The following MMP26 variants were observed in gnomAD, a reference collection of about 807,000 sequenced individuals.
MMP26 encodes the protein matrix metalloproteinase-26.
In MMP26, 33 loss-of-function variants were observed where a neutral mutation model predicts 31.0. The observed-to-expected ratio is 1.06, with a 90% CI of 0.81 to 1.42. The LOEUF is 1.42. MMP26 is among the 40% of genes most tolerant of loss of function. MMP26 has a pLI of 0.00. For missense variants in MMP26, 347 were observed against 316.1 expected (o/e 1.10, Z -0.74); for synonymous variants, 122 against 114.9 (o/e 1.06, Z -0.40).
chr11:4,979,716 C>G lies in MMP26; in HGVS notation c.-144-8352C>G, dbSNP rs1234531760. Among the ~76,000 whole-genome samples the G allele has an allele frequency of 2.0e-5, 3 of 152,176 alleles. No homozygotes were observed. The East Asian group carries it at 5.8e-4, about 29-fold the overall frequency. ...TGGTCTCTGCAGACTCCAGCTATACCTTGGAAAATGACTGTAGACTGCTGG... is the reference window on the plus strand; with the variant it reads ...TGGTCTCTGCAGACTCCAGCTATACGTTGGAAAATGACTGTAGACTGCTGG... On this transcript the variant is annotated intron_variant, in intron 2 of 7. Coordinates refer to ENST00000380390, the MANE Select transcript of MMP26 (RefSeq NM_021801.5).
chr11:4,859,465 C>A (rs960522471), intron 2 of MMP26: 1 of 345,372 alleles, frequency 2.9e-6, no homozygotes, highest in Non-Finnish European at 5.7e-6. Flanking sequence ...CAATAATGAC[C>A]TGTTATGTAT....
intron 1 of MMP26, among the ~76,000 whole-genome samples, chr11:4,713,497 C>T (rs1386135150): frequency 2.0e-5 from 3 of 152,070 alleles, no homozygotes; most frequent in Non-Finnish European, 4.4e-5. Flanking sequence ...GTACTGTCAT[C>T]GTAAATATCC....
intron 2 of MMP26, among the ~76,000 whole-genome samples, chr11:4,816,697 CTTTT>C (rs747753151): frequency 1.3e-5 from 1 of 79,392 alleles, no homozygotes. Flanking sequence ...TGGGTGCCTT[CTTTT>C]TTTTTTTTTT....
chr11:4,709,917 C>T (rs1309839915), intron 1 of MMP26: 1 of 456,974 alleles, frequency 2.2e-6, no homozygotes. Context: ...GTCCTCAGTA[C>T]TTTTGGCAAT....
intron 1 of MMP26, among the ~76,000 whole-genome samples, chr11:4,756,012 ATC>A (rs1848500459): frequency 6.6e-6 from 1 of 152,100 alleles, no homozygotes; most frequent in Non-Finnish European, 1.5e-5. Flanking sequence ...AGTTATCAGT[ATC>A]TCAAATGTAA....
intron 2 of MMP26, chr11:4,849,264 T>G: frequency 6.5e-7 from 1 of 1,534,764 alleles, no homozygotes; most frequent in African/African-American, 1.4e-5. Flanking sequence ...AAAGGTTTAC[T>G]TAATCGCGTG....
chr11:4,721,307 T>C (rs1336617997), intron 1 of MMP26, among the ~76,000 whole-genome samples: 1 of 152,206 alleles, frequency 6.6e-6, no homozygotes, highest in Non-Finnish European at 1.5e-5. Context: ...TACAGCCAGC[T>C]AAATGCTTTC....
intron 2 of MMP26, among the ~76,000 whole-genome samples, chr11:4,968,974 T>C (rs1269213804): frequency 1.3e-5 from 2 of 152,032 alleles, no homozygotes; most frequent in Non-Finnish European, 2.9e-5. Context: ...CTTTTTCTTC[T>C]TGAAAACACA....
chr11:4,898,845 G>C (rs868692538), intron 2 of MMP26, among the ~76,000 whole-genome samples: 2,629 of 143,760 alleles, frequency 0.018, 75 homozygotes, highest in African/African-American at 0.069. Flanking sequence ...GTGTGTGTGT[G>C]TGTGTGTGTG....
chr11:4,821,390 C>T (rs757803731), intron 2 of MMP26: 2 of 1,611,986 alleles, frequency 1.2e-6, no homozygotes, highest in South Asian at 1.1e-5. Flanking sequence ...TGTTAAATGA[C>T]TGAAACATCC....
At chr11:4,860,899 A>G (rs1331820550) in intron 2 of MMP26, among the ~76,000 whole-genome samples, 1 of 151,994 alleles carries the variant, frequency 6.6e-6, no homozygotes, top group Non-Finnish European at 1.5e-5. Flanking sequence ...GCAGAAAAGA[A>G]GTAGACATAA....
intron 2 of MMP26, chr11:4,832,337 G>A: frequency 6.2e-6 from 1 of 160,408 alleles, no homozygotes. Flanking sequence ...CTCCATGCTG[G>A]CCCTGTCCGA....
chr11:4,795,701 T>C (rs189950893), intron 2 of MMP26, among the ~76,000 whole-genome samples: 2 of 152,252 alleles, frequency 1.3e-5, no homozygotes, highest in African/African-American at 4.8e-5. Context: ...GTCAATTACA[T>C]CTAAAAAAAT....
At chr11:4,819,924 G>A (rs1428104587) in intron 2 of MMP26, among the ~76,000 whole-genome samples, 1 of 152,016 alleles carries the variant, frequency 6.6e-6, no homozygotes, top group East Asian at 1.9e-4. Context: ...TTCCATAGTG[G>A]ATATAGCCTG....
At chr11:4,705,681 C>A (rs984774558) in intron 1 of MMP26, among the ~76,000 whole-genome samples, 2 of 152,112 alleles carry the variant, frequency 1.3e-5, no homozygotes, top group Non-Finnish European at 2.9e-5. Flanking sequence ...TTAAGAATCA[C>A]AGAATTTTTT....
chr11:4,766,730 TTTTTTCA>T (rs1848636850), intron 1 of MMP26, among the ~76,000 whole-genome samples: 1 of 87,660 alleles, frequency 1.1e-5, no homozygotes, highest in African/African-American at 4.0e-5. Flanking sequence ...CCTTCCTTCC[TTTTTTCA>T]TCCTTTTTCT....
chr11:4,770,923 C>T (rs539831324), intron 2 of MMP26, among the ~76,000 whole-genome samples: 1 of 151,902 alleles, frequency 6.6e-6, no homozygotes, highest in South Asian at 2.1e-4. Context: ...GCTGTGAAGC[C>T]TAGTAAGGAT....
At chr11:4,991,662 A>G (rs1847005181) in intron 6 of MMP26, among the ~76,000 whole-genome samples, 166 bp downstream of exon 6, 1 of 152,170 alleles carries the variant, frequency 6.6e-6, no homozygotes, top group African/African-American at 2.4e-5. Context: ...TTCTGAACAC[A>G]GATGATCCCA....
At position 4,828,629 on chromosome 11, in the gene MMP26, T is replaced by C. The variant is rs568077606; in HGVS notation, c.-145+61288T>C. On this transcript the variant is annotated intron_variant, in intron 2 of 7. Transcript: ENST00000380390. Reference sequence around the variant, plus strand: ...AATGGGTGGAGGTTTGAATAAAGATTAAAGTTTGAATGAACACAACCGTTT... The same window carrying C: ...AATGGGTGGAGGTTTGAATAAAGATCAAAGTTTGAATGAACACAACCGTTT... Among the ~76,000 whole-genome samples, 24 of 152,218 alleles carry C rather than the reference T, an allele frequency of 1.6e-4. No homozygotes were observed. In the South Asian group the frequency reaches 5.0e-3, roughly 32 times the overall value.
Sources: allele counts gnomAD v4.1 joint callset (sites outside exome capture counted in the v4.1 genomes callset), GRCh38; gene constraint gnomAD v4.1.1; transcripts MANE v1.5; gene names NCBI Gene and HGNC (gene_info 2026-07-23, HGNC 2026-07-21).